Variants in ANXA10 observed in about 807,000 individuals in gnomAD.
The protein encoded by ANXA10 is annexin A10, also known as annexin 14.
Under a neutral mutation model 53.5 loss-of-function variants are expected in ANXA10, and 49 were observed. The ratio of observed to expected loss-of-function variants is 0.92; its 90% confidence interval spans 0.73 to 1.16. The LOEUF (loss-of-function observed/expected upper bound fraction) is 1.16, where lower values mean the gene tolerates loss of function less well. ANXA10 is among the 50% of genes most tolerant of loss of function. The pLI is 0.00. For synonymous variants in ANXA10, 131 were observed against 128.9 expected, an observed-to-expected ratio of 1.02 and a Z score of -0.11; for missense variants, 393 against 394.4, an observed-to-expected ratio of 1.00 and a Z score of 0.03.
At chr4:168,161,365 G>C (rs1249689258) in intron 3 of ANXA10, among the ~76,000 whole-genome samples, 1 of 152,094 alleles carries the variant, frequency 6.6e-6, no homozygotes, top group East Asian at 1.9e-4. Flanking sequence ...AGATCAGATG[G>C]TTGTAGCTAT....
Position 168,092,664 on chromosome 4 carries a change from A to C in ANXA10, c.-37A>C. ...TGAAACAAGTTTATGCAATCGATCA[A>C]ATATTTTCATCCCTGAGGTTAACAA... On this transcript the variant is annotated 5_prime_UTR_variant, in exon 1 of 12. Coordinates refer to ENST00000359299, the MANE Select transcript of ANXA10 (RefSeq NM_007193.5). The C allele has an allele frequency of 6.3e-7, 1 of 1,579,382 alleles. No individual in the cohort carries two copies. Among genetic ancestry groups the C allele is most frequent in the Non-Finnish European group, 8.6e-7 (1 of 1,161,340 alleles).
intron 11 of ANXA10, among the ~76,000 whole-genome samples, chr4:168,185,120 C>G (rs1403102333): frequency 6.6e-6 from 1 of 151,982 alleles, no homozygotes; most frequent in Non-Finnish European, 1.5e-5. Context: ...CGCCACTGCA[C>G]TCCAGCCTGG....
chr4:168,155,107 C>T (rs1480689235), intron 3 of ANXA10, among the ~76,000 whole-genome samples: 8 of 149,548 alleles, frequency 5.3e-5, no homozygotes, highest in Non-Finnish European at 8.9e-5. Flanking sequence ...AGTACCTTCT[C>T]TGTCCTGAAA....
chr4:168,117,551 C>T (rs1423128868), intron 1 of ANXA10, among the ~76,000 whole-genome samples: 1 of 152,030 alleles, frequency 6.6e-6, no homozygotes, highest in African/African-American at 2.4e-5. Context: ...AAGTCCTCAC[C>T]TGATGTCATG....
At chr4:168,156,816 T>G (rs915336880) in intron 3 of ANXA10, among the ~76,000 whole-genome samples, 4 of 152,014 alleles carry the variant, frequency 2.6e-5, no homozygotes, top group Non-Finnish European at 2.9e-5. Context: ...ATTTCTTGTT[T>G]TTATCCATCT....
intron 6 of ANXA10, among the ~76,000 whole-genome samples, chr4:168,169,180 C>G (rs923751072): frequency 1.1e-4 from 16 of 152,068 alleles, no homozygotes; most frequent in Non-Finnish European, 1.9e-4. Flanking sequence ...TTAAAATAAT[C>G]TCGATTGACA....
Position 168,164,252 on chromosome 4 carries a change from G to A in ANXA10, c.364G>A (p.Gly122Arg). Reference sequence around the variant, plus strand: ...TGAAATACTAGCTTCAAGAACAAATGGAGAAATTTTCCAGATGCGAGAAGC... The same window carrying A: ...TGAAATACTAGCTTCAAGAACAAATAGAGAAATTTTCCAGATGCGAGAAGC... The part of the protein sequence containing the change: ...LIEILASRTN[G>R]EIFQMREAYC... Residue 122 changes from glycine to arginine, a missense_variant, in exon 5 of 12, where the codon GGA (glycine) becomes AGA (arginine). Transcript: ENST00000359299. The A allele has an allele frequency of 6.2e-7, 1 of 1,613,252 alleles. No homozygotes were observed. The highest frequency in any genetic ancestry group is 8.5e-7 in the Non-Finnish European group (1 of 1,179,444).
At chr4:168,107,131 A>C (rs1305213239) in intron 1 of ANXA10, among the ~76,000 whole-genome samples, 5 of 152,180 alleles carry the variant, frequency 3.3e-5, no homozygotes, top group Non-Finnish European at 7.3e-5. Context: ...TTTTATATGG[A>C]TTCCATTGGC....
chr4:168,152,284 G>A (rs977684588), intron 3 of ANXA10, among the ~76,000 whole-genome samples: 1 of 152,160 alleles, frequency 6.6e-6, no homozygotes, highest in Non-Finnish European at 1.5e-5. Flanking sequence ...CCTAGGGGAA[G>A]AACATTAAGG....
intron 3 of ANXA10, among the ~76,000 whole-genome samples, chr4:168,142,937 A>G (rs1046610593): frequency 8.5e-5 from 13 of 152,132 alleles, no homozygotes; most frequent in Non-Finnish European, 4.4e-5. Context: ...AGGGATTGTA[A>G]TATTTGCTGC....
At chr4:168,156,191 T>TATATATATA (rs1321738757) in intron 3 of ANXA10, among the ~76,000 whole-genome samples, 1 of 28,942 alleles carries the variant, frequency 3.5e-5, no homozygotes, top group Non-Finnish European at 5.6e-5. Flanking sequence ...TATTATATAT[T>TATATATATA]ATATATAATA....
At chr4:168,124,790 T>C (rs1731042621) in intron 1 of ANXA10, among the ~76,000 whole-genome samples, 1 of 152,142 alleles carries the variant, frequency 6.6e-6, no homozygotes, top group Non-Finnish European at 1.5e-5. Flanking sequence ...TTGAGAAGCA[T>C]TGTTTTGGGC....
At chr4:168,124,029 G>A (rs1432239205) in intron 1 of ANXA10, among the ~76,000 whole-genome samples, 2 of 152,108 alleles carry the variant, frequency 1.3e-5, no homozygotes, top group African/African-American at 2.4e-5. Context: ...GAAAACTGAG[G>A]AAACCCTGTT....
chr4:168,135,209 G>A (rs533998818), intron 2 of ANXA10, among the ~76,000 whole-genome samples: 1 of 152,296 alleles, frequency 6.6e-6, no homozygotes, highest in African/African-American at 2.4e-5. Context: ...GGCAGGGAGG[G>A]CATTGGTCAA....
chr4:168,164,371 A>G (rs570572296), intron 5 of ANXA10, 83 bp downstream of exon 5: 2 of 1,042,800 alleles, frequency 1.9e-6, no homozygotes, highest in African/African-American at 3.2e-5. Context: ...ATGTATTTTG[A>G]AGAATTATCT....
At chr4:168,117,162 G>C (rs565274647) in intron 1 of ANXA10, among the ~76,000 whole-genome samples, 1 of 152,262 alleles carries the variant, frequency 6.6e-6, no homozygotes, top group East Asian at 1.9e-4. Context: ...AAGATCACTT[G>C]AGCCTGGTTG....
intron 1 of ANXA10, among the ~76,000 whole-genome samples, chr4:168,124,368 T>C (rs1313209844): frequency 3.3e-5 from 5 of 152,176 alleles, no homozygotes; most frequent in Admixed American, 3.3e-4. Flanking sequence ...AGCTGGAGTG[T>C]GTGACTGTGA....
intron 2 of ANXA10, among the ~76,000 whole-genome samples, chr4:168,129,540 T>C: frequency 6.6e-6 from 1 of 152,140 alleles, no homozygotes; most frequent in Admixed American, 6.6e-5. Context: ...TCAGGAGGTT[T>C]TGGGCTTTGA....
intron 3 of ANXA10, among the ~76,000 whole-genome samples, chr4:168,151,760 G>A (rs2149474310): frequency 6.6e-6 from 1 of 152,294 alleles, no homozygotes; most frequent in South Asian, 2.1e-4. Context: ...CCAACTGAAA[G>A]TAACACCTCC....
Sources: gnomAD v4.1 joint callset for allele counts (sites outside exome capture counted in the v4.1 genomes callset) on GRCh38, gnomAD v4.1.1 for gene constraint, MANE v1.5 for transcripts, NCBI Gene and HGNC (gene_info 2026-07-23, HGNC 2026-07-21) for gene names.